XG: variants seen among roughly 807,000 people sequenced by gnomAD.
The protein encoded by XG is Xg glycoprotein (Xg blood group).
Under a neutral mutation model 25.7 loss-of-function variants are expected in XG, and 24 were observed. That is an observed-to-expected ratio of 0.93 (90% CI 0.68 to 1.31). The LOEUF (loss-of-function observed/expected upper bound fraction) is 1.31, where lower values mean the gene tolerates loss of function less well. Ranked by LOEUF, XG falls within the 40% of genes most tolerant of loss-of-function variation. The probability of loss-of-function intolerance (pLI) is 0.00; values close to 1 mark genes in which losing one functional copy is unlikely to be tolerated. For synonymous variants in XG, 77 were observed against 69.2 expected, an observed-to-expected ratio of 1.11 and a Z score of -0.56; for missense variants, 181 against 187.6, an observed-to-expected ratio of 0.96 and a Z score of 0.21.
At chrX:2,776,810 G>A (rs894997256) in intron 3 of XG, among the ~76,000 whole-genome samples, 3 of 152,132 alleles carry the variant, frequency 2.0e-5, no homozygotes, top group Non-Finnish European at 4.4e-5. Flanking sequence ...ATCTCCCACT[G>A]CACTCCAGCC....
intron 3 of XG, among the ~76,000 whole-genome samples, chrX:2,779,900 G>A (rs1014332163): frequency 2.0e-5 from 3 of 152,000 alleles, no homozygotes; most frequent in Non-Finnish European, 4.4e-5. Context: ...GCCCACCTTG[G>A]CCTCCCAAAG....
At chrX:2,775,965 AAAAAAAAG>A (rs1349480536) in intron 3 of XG, among the ~76,000 whole-genome samples, 107 of 123,918 alleles carry the variant, frequency 8.6e-4, no homozygotes, top group African/African-American at 3.1e-3. Flanking sequence ...CAAAAAAAAA[AAAAAAAAG>A]AAAAGAAAAG....
chrX:2,764,950 A>AG (rs1264084151), intron 1 of XG, among the ~76,000 whole-genome samples: 18 of 147,404 alleles, frequency 1.2e-4, no homozygotes, highest in African/African-American at 4.5e-4. Flanking sequence ...CTGAGGCACT[A>AG]GAAGCGCTCG....
chrX:2,772,976 G>A, intron 2 of XG, among the ~76,000 whole-genome samples: 1 of 151,168 alleles, frequency 6.6e-6, no homozygotes, highest in Non-Finnish European at 1.5e-5. Context: ...TGTCTATACT[G>A]CCTGGGCTTT....
intron 1 of XG, among the ~76,000 whole-genome samples, chrX:2,758,638 C>T (rs907612631): frequency 3.9e-5 from 6 of 152,224 alleles, no homozygotes; most frequent in East Asian, 1.9e-4. Flanking sequence ...GGACACTTGT[C>T]GATATCTTGA....
At chrX:2,813,265 C>T (rs1245436521) in intron 10 of XG, among the ~76,000 whole-genome samples, 2 of 110,579 alleles carry the variant, frequency 1.8e-5, no homozygotes, top group Non-Finnish European at 3.8e-5. Context: ...AGGATGTAGA[C>T]AGAGTGAGCT....
At chrX:2,803,542 C>T (rs775211843) in intron 7 of XG, among the ~76,000 whole-genome samples, 5 of 109,667 alleles carry the variant, frequency 4.6e-5, no homozygotes, top group Admixed American at 9.8e-5. Flanking sequence ...GATAATTTGG[C>T]GGGTAGGGGC....
chrX:2,786,413 G>A (rs773101210), intron 4 of XG, among the ~76,000 whole-genome samples: 4 of 108,339 alleles, frequency 3.7e-5, no homozygotes, highest in Admixed American at 1.0e-4. Context: ...GATTACAGGC[G>A]TGCAACACCA....
At chrX:2,758,116 T>A (rs1256290088) in intron 1 of XG, among the ~76,000 whole-genome samples, 1 of 152,006 alleles carries the variant, frequency 6.6e-6, no homozygotes, top group African/African-American at 2.4e-5. Context: ...CTTGCTTCCA[T>A]TCTGGTGCCC....
intron 1 of XG, among the ~76,000 whole-genome samples, chrX:2,767,273 G>A (rs2050720711): frequency 6.6e-6 from 1 of 152,056 alleles, no homozygotes; most frequent in Non-Finnish European, 1.5e-5. Flanking sequence ...TGTATCACAT[G>A]GCTTTGCTCC....
intron 2 of XG, 52 bp downstream of exon 2, chrX:2,770,643 A>G: frequency 1.9e-6 from 3 of 1,608,076 alleles, no homozygotes; most frequent in African/African-American, 2.7e-5. Flanking sequence ...TGGATCTAAC[A>G]GCATCAGCTG....
rs370445672 is a variant in XG at position 2,770,019 on chromosome X, A to T, written c.62-531A>T. 8.8e-3 allele frequency among the ~76,000 whole-genome samples: 278 copies of T among 31,458 alleles called. 2 individuals are homozygous for T. The highest frequency in any genetic ancestry group is 0.013 in the Non-Finnish European group (220 of 17,164). 20.6% of individuals were successfully genotyped at this position (31,458 alleles called of 152,430 possible). ...CAACCTAGACTCTGTGCGTGTGTGG[A>T]GGGGTGGGGGGGGCGTTGGGGGGCG... On this transcript the variant is annotated intron_variant, in intron 1 of 10. Transcript: ENST00000644266.
At chrX:2,756,006 C>A (rs1355336001) in intron 1 of XG, among the ~76,000 whole-genome samples, 2 of 152,114 alleles carry the variant, frequency 1.3e-5, no homozygotes, top group East Asian at 1.9e-4. Flanking sequence ...ATGTAACAAA[C>A]CTGCACGTCC....
Position 2,808,173 on chromosome X carries a change from T to C in XG, c.419-12T>C. On this transcript the variant is annotated splice_polypyrimidine_tract_variant and intron_variant, in intron 8 of 10. Transcript: ENST00000644266. The stretch of plus-strand genomic sequence containing the variant: ...CTGCTGAATAAACACGAACATCCTT[T>C]TCCGCTTACAGGTGGAGATCACCAT... The C allele has an allele frequency of 8.3e-7, 1 of 1,210,757 alleles. No homozygotes were observed. Among genetic ancestry groups the C allele is most frequent in the Middle Eastern group, 2.3e-4 (1 of 4,347 alleles).
intron 7 of XG, among the ~76,000 whole-genome samples, chrX:2,800,558 T>C (rs186191902): frequency 9.8e-4 from 110 of 112,499 alleles, no homozygotes; most frequent in African/African-American, 3.5e-3. Context: ...TGCATGACGC[T>C]CGACTGTCCA....
intron 2 of XG, among the ~76,000 whole-genome samples, chrX:2,773,518 AGAAG>A (rs1357635618): frequency 2.3e-4 from 28 of 123,728 alleles, no homozygotes; most frequent in African/African-American, 7.9e-4. Context: ...AAGGAAGGAG[AGAAG>A]GAAGGAAGGA....
intron 2 of XG, among the ~76,000 whole-genome samples, chrX:2,773,522 G>A (rs1292207614): frequency 5.5e-4 from 75 of 137,124 alleles, no homozygotes; most frequent in Non-Finnish European, 8.3e-4. Flanking sequence ...AAGGAGAGAA[G>A]GAAGGAAGGA....
intron 1 of XG, among the ~76,000 whole-genome samples, chrX:2,758,228 G>A (rs1475158273): frequency 6.6e-6 from 1 of 152,120 alleles, no homozygotes; most frequent in African/African-American, 2.4e-5. Flanking sequence ...GTCACCTGGA[G>A]CGTGTAGCCA....
intron 7 of XG, among the ~76,000 whole-genome samples, chrX:2,799,967 A>G (rs2086919795): frequency 8.9e-6 from 1 of 112,001 alleles, no homozygotes; most frequent in African/African-American, 3.2e-5. Context: ...TGCAAAGGAC[A>G]TGATCTTGTT....
Sources: gnomAD v4.1 joint callset for allele counts (sites outside exome capture counted in the v4.1 genomes callset) on GRCh38, gnomAD v4.1.1 for gene constraint, MANE v1.5 for transcripts, NCBI Gene and HGNC (gene_info 2026-07-23, HGNC 2026-07-21) for gene names.